Variants in CHUK observed in about 807,000 individuals in gnomAD.
CHUK encodes component of inhibitor of nuclear factor kappa B kinase complex.
CHUK carries 35 observed loss-of-function variants against 104.8 expected under a neutral mutation model. That is an observed-to-expected ratio of 0.33 (90% CI 0.26 to 0.44). The LOEUF is 0.44. Among genes scored for constraint, CHUK ranks in the 20% least tolerant of loss-of-function variants. The pLI is 1.00. For synonymous variants in CHUK, 276 were observed against 291.9 expected, an observed-to-expected ratio of 0.95 and a Z score of 0.56; for missense variants, 663 against 902.7, an observed-to-expected ratio of 0.73 and a Z score of 3.40.
chr10:100,187,068 C>T (rs1464450120), downstream of CHUK: 1 of 152,398 alleles, frequency 6.6e-6, no homozygotes, highest in African/African-American at 2.4e-5. Context: ...GGCGATAATG[C>T]TCACTCGCCC....
In CHUK at chr10:100,191,843, A is replaced by G. The variant is rs536321399; in HGVS notation, c.2109-875T>C. On this transcript the variant is annotated intron_variant, in intron 19 of 20. Coordinates refer to ENST00000370397, the MANE Select transcript of CHUK (RefSeq NM_001278.5). ...TTCTTATACAATGTATTCTGGCTGG[A>G]CATGGTGGCTCATGCCTGTAATTCC... 2.4e-3 allele frequency among the ~76,000 whole-genome samples: 365 copies of G among 152,276 alleles called. 1 individual carries two copies. The highest frequency in any genetic ancestry group is 8.2e-3 in the African/African-American group (342 of 41,568).
At chr10:100,193,600 C>A in intron 18 of CHUK, 169 bp from the exon 19 acceptor site, 1 of 768,274 alleles carries the variant, frequency 1.3e-6, no homozygotes, top group Non-Finnish European at 2.2e-6. Context: ...AGTAACCTGT[C>A]CTTGGACCCT....
Position 100,204,672 on chromosome 10 carries a change from G to T in CHUK, c.1356-15C>A. The T allele has an allele frequency of 6.4e-7, 1 of 1,556,396 alleles. No individual in the cohort carries two copies. ...GAAGACTTAACCTAAACCACAGCAA[G>T]AAAAAAAAGAAAAAGAAAAAAGATA... On this transcript the variant is annotated splice_polypyrimidine_tract_variant and intron_variant, in intron 12 of 20. Transcript: ENST00000370397.
Position 100,193,321 on chromosome 10 carries a change from T to C in CHUK, c.2085A>G (p.Ser695=), listed in dbSNP as rs1209436738. 2.5e-6 allele frequency: 4 copies of C among 1,614,154 alleles called. No individual in the cohort carries two copies. The East Asian group carries it at 6.7e-5, about 27-fold the overall frequency. The change falls in exon 19 of 21, where the codon TCA becomes TCG. Residue 695 remains serine, a synonymous_variant. Transcript: ENST00000370397. The stretch of plus-strand genomic sequence containing the variant: ...ACCCATCTTGAGGAGTTACCACACA[T>C]GACAGAGAATGATCATGTTCTGCTG... ...PTSAEHDHSL[S]CVVTPQDGET... is the part of the protein sequence containing the mutation.
intron 9 of CHUK, among the ~76,000 whole-genome samples, chr10:100,214,429 T>G (rs1287775891): frequency 6.6e-6 from 1 of 152,170 alleles, no homozygotes; most frequent in Non-Finnish European, 1.5e-5. Flanking sequence ...TTATAATCAG[T>G]GTAAAGTATC....
At chr10:100,226,111 T>G (rs2134253760) in intron 1 of CHUK, 94 bp from the exon 2 acceptor site, 2 of 748,478 alleles carry the variant, frequency 2.7e-6, no homozygotes, top group Middle Eastern at 6.4e-4. Flanking sequence ...CAAAACTTTT[T>G]AGCTTTACTA....
intron 9 of CHUK, among the ~76,000 whole-genome samples, chr10:100,212,517 G>A (rs1473091537): frequency 6.6e-6 from 1 of 152,138 alleles, no homozygotes; most frequent in Admixed American, 6.5e-5. Flanking sequence ...AGTTGCATGA[G>A]TTTCTTATAA....
Position 100,188,998 on chromosome 10 carries a change from C to A in CHUK, c.*600G>T, listed in dbSNP as rs1452269752. ...TAGAAGCACAGATACACAATCCCTTCGATGAGAAGGGGATACTGTTAAATT... is the reference window on the plus strand; with the variant it reads ...TAGAAGCACAGATACACAATCCCTTAGATGAGAAGGGGATACTGTTAAATT... On this transcript the variant is annotated 3_prime_UTR_variant, in exon 21 of 21. Transcript: ENST00000370397. The A allele has an allele frequency of 1.3e-5, 2 of 152,350 alleles. No homozygotes were observed. Among genetic ancestry groups the A allele is most frequent in the African/African-American group, 2.4e-5 (1 of 41,408 alleles). The allele number at this position is 152,350 out of a possible 1,614,324, so 9.4% of individuals were successfully genotyped here. A position where few individuals can be genotyped will look rare whatever the true frequency, so the allele number is the denominator to read the frequency against.
intron 9 of CHUK, among the ~76,000 whole-genome samples, chr10:100,216,965 G>A (rs965790093): frequency 6.6e-6 from 1 of 152,146 alleles, no homozygotes; most frequent in Non-Finnish European, 1.5e-5. Context: ...AATGGAAGAC[G>A]AGAAAGAGAA....
intron 14 of CHUK, 48 bp downstream of exon 14, chr10:100,202,040 G>T: frequency 7.6e-7 from 1 of 1,313,916 alleles, no homozygotes; most frequent in Non-Finnish European, 1.1e-6. Flanking sequence ...GTTTCTAATG[G>T]AGACATCAAG....
chr10:100,209,764 G>A lies in CHUK; in HGVS notation c.959C>T (p.Ser320Phe), dbSNP rs780131108. ...TAACAGAAAAGAAATTATCTTTGCA[G>A]AAGTCATATTTAGGATGTGTACTAT... ...LKIVHILNMT[S>F]AKIISFLLPP... The change falls in exon 10 of 21, where the codon TCT becomes TTT. Residue 320 changes from serine to phenylalanine, a missense_variant. Ser to Phe is a radical substitution (Grantham distance 155). Transcript: ENST00000370397. 1.3e-6 allele frequency: 2 copies of A among 1,488,352 alleles called. No individual in the cohort carries two copies. The highest frequency in any genetic ancestry group is 1.9e-6 in the Non-Finnish European group (2 of 1,065,834). 92.2% of individuals were successfully genotyped at this position (1,488,352 alleles called of 1,614,324 possible).
intron 10 of CHUK, among the ~76,000 whole-genome samples, chr10:100,208,791 A>AAAAAAAAAC (rs894076157): frequency 9.2e-5 from 14 of 152,016 alleles, no homozygotes; most frequent in Non-Finnish European, 1.8e-4. Flanking sequence ...CTAAAAAAAA[A>AAAAAAAAAC]AAAAACTGGA....
intron 1 of CHUK, among the ~76,000 whole-genome samples, chr10:100,228,987 GCGCGCGCA>G (rs1419570400): frequency 0.013 from 1,115 of 84,758 alleles, 17 homozygotes; most frequent in African/African-American, 0.036. Flanking sequence ...GCGCGCGCGC[GCGCGCGCA>G]CACACACACA....
chr10:100,208,979 T>G (rs559921144), intron 10 of CHUK, among the ~76,000 whole-genome samples: 2 of 152,138 alleles, frequency 1.3e-5, no homozygotes, highest in African/African-American at 4.8e-5. Flanking sequence ...AACAAGTTTA[T>G]TGGGGGTCTG....
intron 2 of CHUK, 54 bp downstream of exon 2, chr10:100,225,869 G>T: frequency 2.0e-6 from 2 of 992,704 alleles, no homozygotes; most frequent in Non-Finnish European, 3.3e-6. Context: ...TCCCCATGAT[G>T]ACATCTGGTT....
intron 9 of CHUK, among the ~76,000 whole-genome samples, chr10:100,212,131 T>A (rs956105560): frequency 3.3e-5 from 5 of 152,056 alleles, no homozygotes; most frequent in African/African-American, 1.2e-4. Context: ...GATCCACCTG[T>A]CTCAACCTCC....
Position 100,220,635 on chromosome 10 carries a change from G to A in CHUK, c.427C>T (p.Arg143Ter), listed in dbSNP as rs769592752. The A allele has an allele frequency of 6.2e-7, 1 of 1,612,698 alleles. No homozygotes were observed. The highest frequency in any genetic ancestry group is 8.5e-7 in the Non-Finnish European group (1 of 1,178,972). The stretch of plus-strand genomic sequence containing the variant: ...ACTATGTTTTCAGGTTTTAGATCTC[G>A]ATGTATAATTTTGTTTTCATGCAAA... ...RYLHENKIIHRDLKPENIVLQ... is the reference protein window; with the variant it reads ...RYLHENKIIH Residue 143 changes from arginine to a stop codon, truncating the protein, a stop_gained, in exon 5 of 21, where the codon CGA becomes TGA. Coordinates refer to ENST00000370397, the MANE Select transcript of CHUK (RefSeq NM_001278.5). LOFTEE classifies it high-confidence loss of function.
chr10:100,191,482 A>G (rs1172545949), intron 19 of CHUK, among the ~76,000 whole-genome samples: 3 of 152,254 alleles, frequency 2.0e-5, no homozygotes, highest in African/African-American at 7.2e-5. Flanking sequence ...CAATGAAACG[A>G]AACAAGCAAG....
rs200519611 is a variant in CHUK at position 100,209,705 on chromosome 10, G to A, written c.1018C>T (p.Arg340Cys). 22 of 1,569,834 alleles carry A rather than the reference G, an allele frequency of 1.4e-5. No homozygotes were observed. The highest frequency in any genetic ancestry group is 3.3e-5 in the Admixed American group (2 of 59,930). ...TTTATTCCAGTTTCACGCTCAATACGAGACTGTAGTGAATGAAGACTTTCA... is the reference window on the plus strand; with the variant it reads ...TTTATTCCAGTTTCACGCTCAATACAAGACTGTAGTGAATGAAGACTTTCA... Reference protein sequence around the residue: ...PDESLHSLQSRIERETGINTG... With the variant: ...PDESLHSLQSCIERETGINTG... The change falls in exon 10 of 21, where the codon CGT (arginine) becomes TGT (cysteine). Residue 340 changes from arginine (R) to cysteine (C), a missense_variant. By Grantham distance (180) the Arg-to-Cys change is radical. Transcript: ENST00000370397.
Sources: allele counts gnomAD v4.1 joint callset (sites outside exome capture counted in the v4.1 genomes callset), GRCh38; gene constraint gnomAD v4.1.1; transcripts MANE v1.5; gene names NCBI Gene and HGNC (gene_info 2026-07-23, HGNC 2026-07-21).